Variants in ROBO2 observed in about 807,000 individuals in gnomAD.
The protein encoded by ROBO2 is roundabout guidance receptor 2.
ROBO2 carries 53 observed loss-of-function variants against 160.8 expected under a neutral mutation model. The ratio of observed to expected loss-of-function variants is 0.33; its 90% CI spans 0.26 to 0.41. The LOEUF (loss-of-function observed/expected upper bound fraction) is 0.41. ROBO2 is among the 10% of genes least tolerant of loss of function. The pLI is 1.00. For synonymous variants in ROBO2, 664 were observed against 611.7 expected, an observed-to-expected ratio of 1.09 and a Z score of -1.26; for missense variants, 1,577 against 1,722.4, an observed-to-expected ratio of 0.92 and a Z score of 1.49.
intron 2 of ROBO2, among the ~76,000 whole-genome samples, chr3:76,822,663 T>C (rs551061020): frequency 6.6e-6 from 1 of 151,476 alleles, no homozygotes; most frequent in Middle Eastern, 3.4e-3. Flanking sequence ...ACTTTACAAA[T>C]AATATAGTAG....
intron 2 of ROBO2, among the ~76,000 whole-genome samples, chr3:76,102,964 G>A (rs1010369619): frequency 6.6e-6 from 1 of 151,916 alleles, no homozygotes; most frequent in Non-Finnish European, 1.5e-5. Context: ...AGCTGGGACT[G>A]CAGGCGCCGC....
chr3:76,824,621 A>G (rs1241292858), intron 2 of ROBO2, among the ~76,000 whole-genome samples: 1 of 152,130 alleles, frequency 6.6e-6, no homozygotes, highest in Non-Finnish European at 1.5e-5. Context: ...CAGTCAGGAG[A>G]CAGAAGCCAC....
At chr3:77,476,515 AT>A (rs746704282) in intron 2 of ROBO2, among the ~76,000 whole-genome samples, 20 of 152,106 alleles carry the variant, frequency 1.3e-4, no homozygotes, top group Non-Finnish European at 2.6e-4. Context: ...GTTGCAGTAT[AT>A]GGTACATTTG....
At chr3:76,335,187 T>G (rs1379217948) in intron 2 of ROBO2, among the ~76,000 whole-genome samples, 15 of 142,162 alleles carry the variant, frequency 1.1e-4, no homozygotes, top group African/African-American at 1.0e-4. Context: ...TGTTTTTTTT[T>G]TTTTTTTTTT....
intron 1 of ROBO2, among the ~76,000 whole-genome samples, chr3:77,079,411 G>C (rs184246687): frequency 6.6e-6 from 1 of 152,002 alleles, no homozygotes; most frequent in Non-Finnish European, 1.5e-5. Flanking sequence ...CTAGCCTTCC[G>C]GGTTTTTCCT....
intron 2 of ROBO2, among the ~76,000 whole-genome samples, chr3:76,908,322 A>G (rs2075754122): frequency 6.6e-6 from 1 of 152,240 alleles, no homozygotes; most frequent in African/African-American, 2.4e-5. Context: ...TGTTGCTCCA[A>G]CTTGGCAGCA....
chr3:77,020,453 C>G (rs2062558784), intron 2 of ROBO2, among the ~76,000 whole-genome samples: 1 of 152,048 alleles, frequency 6.6e-6, no homozygotes. Context: ...GTAAATCGGT[C>G]TATTTAAGCA....
At position 77,088,100 on chromosome 3, in the gene ROBO2, T is replaced by C. The variant is rs117244323; in HGVS notation, c.62-9914T>C. ...AGGAAATTGAATAGCATTTTAAAAA[T>C]GTGATTAAGACTTAGCTGATAAAGG... On this transcript the variant is annotated intron_variant, in intron 1 of 25. Transcript: ENST00000461745. 3.1e-4 allele frequency among the ~76,000 whole-genome samples: 47 copies of C among 152,178 alleles called. No individual in the cohort carries two copies. The East Asian group carries it at 9.1e-3, about 30-fold the overall frequency.
intron 16 of ROBO2, among the ~76,000 whole-genome samples, chr3:77,582,005 G>T (rs2093931226): frequency 6.6e-6 from 1 of 151,940 alleles, no homozygotes; most frequent in African/African-American, 2.4e-5. Flanking sequence ...TTTATTTTCT[G>T]GTGAGATTCC....
At chr3:75,949,494 G>A (rs531900450) in intron 2 of ROBO2, among the ~76,000 whole-genome samples, 7 of 152,190 alleles carry the variant, frequency 4.6e-5, no homozygotes, top group Non-Finnish European at 1.0e-4. Flanking sequence ...TGGCATGGTG[G>A]CAGCTGACTT....
At chr3:76,705,414 G>A (rs955108656) in intron 2 of ROBO2, among the ~76,000 whole-genome samples, 1 of 152,124 alleles carries the variant, frequency 6.6e-6, no homozygotes, top group Non-Finnish European at 1.5e-5. Context: ...AAAGGGGTAT[G>A]TGTGTCTTTA....
chr3:76,223,177 G>A (rs139446560), intron 2 of ROBO2, among the ~76,000 whole-genome samples: 1,942 of 151,718 alleles, frequency 0.013, 51 homozygotes, highest in African/African-American at 0.044. Context: ...ATTATGCTTC[G>A]TTTATCACCT....
chr3:76,774,562 A>G (rs72894239), intron 2 of ROBO2, among the ~76,000 whole-genome samples: 4,680 of 151,006 alleles, frequency 0.031, 223 homozygotes, highest in African/African-American at 0.11. Context: ...TTAAATTAGT[A>G]AATGTTGCTC....
chr3:76,000,927 T>C (rs956691622), intron 2 of ROBO2, among the ~76,000 whole-genome samples: 1 of 152,184 alleles, frequency 6.6e-6, no homozygotes. Flanking sequence ...AATCTATTCA[T>C]ACTAAATATG....
chr3:76,563,446 A>C (rs982830449), intron 2 of ROBO2, among the ~76,000 whole-genome samples: 6 of 152,162 alleles, frequency 3.9e-5, no homozygotes, highest in Non-Finnish European at 7.4e-5. Flanking sequence ...ATTTGTTCAT[A>C]AGGACTAGCT....
chr3:77,175,340 G>GT (rs2080040029), intron 2 of ROBO2, among the ~76,000 whole-genome samples: 1 of 152,060 alleles, frequency 6.6e-6, no homozygotes, highest in South Asian at 2.1e-4. Context: ...GGGTTTTTGG[G>GT]TTTTTTCGGG....
At chr3:76,321,569 A>G (rs143226840) in intron 2 of ROBO2, among the ~76,000 whole-genome samples, 2 of 152,298 alleles carry the variant, frequency 1.3e-5, no homozygotes, top group Middle Eastern at 3.4e-3. Flanking sequence ...GAAAGTAACA[A>G]CTTGACTAAT....
chr3:77,623,964 A>G (rs2094953384), intron 23 of ROBO2, among the ~76,000 whole-genome samples: 1 of 152,180 alleles, frequency 6.6e-6, no homozygotes, highest in African/African-American at 2.4e-5. Context: ...CTCACCTGTG[A>G]CATGTTAGGC....
At chr3:77,546,981 C>T (rs1394785009) in intron 7 of ROBO2, among the ~76,000 whole-genome samples, 1 of 151,988 alleles carries the variant, frequency 6.6e-6, no homozygotes, top group East Asian at 1.9e-4. Flanking sequence ...TTTTCCTTCT[C>T]CATTCCTCCT....
Sources: allele counts gnomAD v4.1 joint callset (sites outside exome capture counted in the v4.1 genomes callset), GRCh38; gene constraint gnomAD v4.1.1; transcripts MANE v1.5; gene names NCBI Gene and HGNC (gene_info 2026-07-23, HGNC 2026-07-21).